Variants in PRMT8 observed in about 807,000 individuals in gnomAD.
The protein encoded by PRMT8 is protein arginine N-methyltransferase 8.
Under a neutral mutation model 47.1 loss-of-function variants are expected in PRMT8, and 7 were observed. The ratio of observed to expected loss-of-function variants is 0.15; its 90% CI spans 0.08 to 0.28. The LOEUF (loss-of-function observed/expected upper bound fraction) is 0.28. Among genes scored for constraint, PRMT8 ranks in the 10% least tolerant of loss-of-function variants. The pLI is 1.00. For synonymous variants in PRMT8, 188 were observed against 186.5 expected (o/e 1.01, Z -0.07); for missense variants, 237 against 505.4 (o/e 0.47, Z 5.09).
rs902946840 is a variant in PRMT8 at position 3,568,815 on chromosome 12, C to T, written c.591C>T (p.Leu197=). ...ACTGTCTGTTCTATGAGTCCATGCT[C>T]AACACGGTGATCTTTGCCAGGGACA... ...MGYCLFYESM[L]NTVIFARDKW... The change falls in exon 5 of 10, where the codon CTC becomes CTT. Residue 197 remains leucine, a synonymous_variant. Coordinates refer to ENST00000382622, the MANE Select transcript of PRMT8 (RefSeq NM_019854.5). 1 of 1,614,196 alleles carries T rather than the reference C, an allele frequency of 6.2e-7. No homozygotes were observed. The highest frequency in any genetic ancestry group is 8.5e-7 in the Non-Finnish European group (1 of 1,180,040).
At chr12:3,420,696 A>G (rs1864531717) in intron 1 of PRMT8, among the ~76,000 whole-genome samples, 2 of 152,234 alleles carry the variant, frequency 1.3e-5, no homozygotes, top group South Asian at 2.1e-4. Flanking sequence ...TTGCTGCAGC[A>G]TGAGCTTGCT....
At chr12:3,437,783 C>T (rs1328574412) in intron 1 of PRMT8, among the ~76,000 whole-genome samples, 10 of 152,008 alleles carry the variant, frequency 6.6e-5, no homozygotes, top group Admixed American at 1.3e-4. Flanking sequence ...GGTCGTCTAG[C>T]CTCAAGGCCT....
intron 1 of PRMT8, among the ~76,000 whole-genome samples, chr12:3,429,000 C>G (rs1864642017): frequency 6.6e-6 from 1 of 152,116 alleles, no homozygotes; most frequent in Admixed American, 6.5e-5. Flanking sequence ...CTCTCTGTCT[C>G]TTCCTCTCTC....
At chr12:3,510,778 T>G (rs1287564878) in intron 1 of PRMT8, among the ~76,000 whole-genome samples, 2 of 152,078 alleles carry the variant, frequency 1.3e-5, no homozygotes, top group Non-Finnish European at 2.9e-5. Flanking sequence ...AATCAGAGTT[T>G]TCAGAGGTCT....
At chr12:3,521,201 A>G (rs1293526572) in intron 1 of PRMT8, among the ~76,000 whole-genome samples, 4 of 152,234 alleles carry the variant, frequency 2.6e-5, no homozygotes, top group Non-Finnish European at 5.9e-5. Flanking sequence ...CAAACCCATA[A>G]TAAGAGAACT....
intron 1 of PRMT8, among the ~76,000 whole-genome samples, chr12:3,413,050 T>C (rs1244043113): frequency 1.3e-5 from 2 of 152,334 alleles, no homozygotes; most frequent in East Asian, 1.9e-4. Context: ...TAGGGGTAAT[T>C]TGAGGTTCTA....
chr12:3,512,665 T>C (rs766244076), intron 1 of PRMT8, among the ~76,000 whole-genome samples: 5 of 152,204 alleles, frequency 3.3e-5, no homozygotes, highest in Admixed American at 6.5e-5. Context: ...TCTATCCACA[T>C]TGCCCTAGAT....
At chr12:3,479,663 G>A (rs996121798) in intron 1 of PRMT8, among the ~76,000 whole-genome samples, 1 of 152,202 alleles carries the variant, frequency 6.6e-6, no homozygotes, top group African/African-American at 2.4e-5. Context: ...GAAGGGTTAA[G>A]TCACTCTTCT....
chr12:3,585,742 G>A (rs1381756451), intron 8 of PRMT8, among the ~76,000 whole-genome samples: 1 of 152,012 alleles, frequency 6.6e-6, no homozygotes, highest in Non-Finnish European at 1.5e-5. Context: ...GCCCTGATCT[G>A]GGTCATTATC....
intron 1 of PRMT8, among the ~76,000 whole-genome samples, chr12:3,411,233 T>C (rs973619136): frequency 2.0e-5 from 3 of 152,336 alleles, no homozygotes; most frequent in Admixed American, 2.0e-4. Context: ...ACTTCTCAGC[T>C]CCTGATCCTC....
At chr12:3,446,394 GGGC>G (rs1864855738) in intron 1 of PRMT8, among the ~76,000 whole-genome samples, 1 of 151,944 alleles carries the variant, frequency 6.6e-6, no homozygotes, top group Non-Finnish European at 1.5e-5. Context: ...CTCTCTCTGT[GGGC>G]ACCGCCTCGG....
At position 3,491,248 on chromosome 12, in the gene PRMT8, C is replaced by T; in HGVS notation, c.-378C>T. 9.8e-7 allele frequency: 1 copy of T among 1,022,254 alleles called. No homozygotes were observed. Among genetic ancestry groups the T allele is most frequent in the Non-Finnish European group, 1.2e-6 (1 of 854,030 alleles). The allele number at this position is 1,022,254 out of a possible 1,614,324, so 63.3% of individuals were successfully genotyped here. A position where few individuals can be genotyped will look rare whatever the true frequency, so the allele number is the denominator to read the frequency against. On this transcript the variant is annotated 5_prime_UTR_variant, in exon 1 of 10. Transcript: ENST00000382622. Reference sequence around the variant, plus strand: ...AGAAGTTGAGAGGAGTTGGCGGCTGCCTCCGGCCGGCCGGACTTTGCGAGC... The same window carrying T: ...AGAAGTTGAGAGGAGTTGGCGGCTGTCTCCGGCCGGCCGGACTTTGCGAGC...
intron 1 of PRMT8, among the ~76,000 whole-genome samples, chr12:3,421,497 T>C (rs975813116): frequency 2.6e-5 from 4 of 152,194 alleles, no homozygotes; most frequent in African/African-American, 9.6e-5. Flanking sequence ...CCAGGACCGG[T>C]GGGAGACTGG....
intron 1 of PRMT8, among the ~76,000 whole-genome samples, chr12:3,537,238 T>C (rs1253186724): frequency 1.3e-5 from 2 of 152,262 alleles, no homozygotes; most frequent in African/African-American, 4.8e-5. Context: ...AGTTTTCTAT[T>C]TGAATTTGAA....
At chr12:3,424,236 C>T (rs1309717471) in intron 1 of PRMT8, among the ~76,000 whole-genome samples, 10 of 152,150 alleles carry the variant, frequency 6.6e-5, no homozygotes, top group South Asian at 2.1e-4. Flanking sequence ...TAAGGTCACA[C>T]GCTCCCCTTT....
intron 7 of PRMT8, among the ~76,000 whole-genome samples, chr12:3,578,048 A>G (rs1326817759): frequency 6.6e-6 from 1 of 151,928 alleles, no homozygotes; most frequent in East Asian, 1.9e-4. Context: ...ATTATGTTGA[A>G]CCATATAAAA....
chr12:3,544,812 C>G (rs4765739), intron 2 of PRMT8, among the ~76,000 whole-genome samples: 129,902 of 152,206 alleles, frequency 0.85, 55,582 homozygotes, highest in East Asian at 0.97. Context: ...GGATGTCTCT[C>G]ATGGCCTGAA....
intron 1 of PRMT8, among the ~76,000 whole-genome samples, chr12:3,397,099 T>C (rs1864257484): frequency 6.6e-6 from 1 of 151,534 alleles, no homozygotes; most frequent in South Asian, 2.1e-4. Flanking sequence ...TTGGTTATTC[T>C]AGTTATACAT....
chr12:3,557,346 G>A lies in PRMT8; in HGVS notation c.481+3632G>A, dbSNP rs187017711. On this transcript the variant is annotated intron_variant, in intron 4 of 9. Transcript: ENST00000382622. The surrounding 1 kb of genome is among the most constrained non-coding windows in gnomAD (Gnocchi z 4.7). Reference sequence around the variant, plus strand: ...TGGAAGTTGATGACAGTGATGGGCCGTGGGATCTAAGCTGGGCCAGGAAGG... The same window carrying A: ...TGGAAGTTGATGACAGTGATGGGCCATGGGATCTAAGCTGGGCCAGGAAGG... Among the ~76,000 whole-genome samples the A allele has an allele frequency of 1.3e-4, 20 of 152,294 alleles. No homozygotes were observed. In the East Asian group the frequency reaches 3.1e-3, roughly 24 times the overall value.
Sources: gnomAD v4.1 joint callset for allele counts (sites outside exome capture counted in the v4.1 genomes callset) on GRCh38, gnomAD v4.1.1 for gene constraint, Gnocchi (gnomAD v3.1) non-coding constraint, MANE v1.5 for transcripts, NCBI Gene and HGNC (gene_info 2026-07-23, HGNC 2026-07-21) for gene names.